PABPC4: variants seen among roughly 807,000 people sequenced by gnomAD.
PABPC4 encodes polyadenylate-binding protein 4.
A neutral mutation model predicts 74.5 loss-of-function variants in PABPC4; 15 were observed. The observed-to-expected ratio is 0.20, with a 90% CI of 0.13 to 0.31. The LOEUF (loss-of-function observed/expected upper bound fraction) is 0.31, where lower values mean the gene tolerates loss of function less well. PABPC4 is among the 10% of genes least tolerant of loss of function. PABPC4 has a pLI of 1.00. For synonymous variants in PABPC4, 345 were observed against 303.0 expected (o/e 1.14, Z -1.44); for missense variants, 610 against 853.5 (o/e 0.71, Z 3.55).
chr1:39,562,634 G>T (rs920349774), intron 12 of PABPC4: 2 of 456,988 alleles, frequency 4.4e-6, no homozygotes, highest in Non-Finnish European at 7.7e-6. Context: ...CAATGAAAAT[G>T]GCATGCTATC....
Position 39,571,374 on chromosome 1 carries a change from T to C in PABPC4, c.388-25A>G, listed in dbSNP as rs750391353. On this transcript the variant is annotated intron_variant, in intron 2 of 15. Coordinates refer to ENST00000372858, the MANE Select transcript of PABPC4 (RefSeq NM_001135653.2). ...CCTGTCAAAGACAAGGCGGACCACTTTAGCAGAACTGGCCAGCTCCTGAGA... is the reference window on the plus strand; with the variant it reads ...CCTGTCAAAGACAAGGCGGACCACTCTAGCAGAACTGGCCAGCTCCTGAGA... 6.8e-6 allele frequency: 11 copies of C among 1,613,450 alleles called. No individual in the cohort carries two copies. The African/African-American group carries it at 1.2e-4, about 18-fold the overall frequency.
At chr1:39,565,816 A>G (rs190549381) in intron 7 of PABPC4, among the ~76,000 whole-genome samples, 240 of 151,152 alleles carry the variant, frequency 1.6e-3, no homozygotes, top group African/African-American at 5.1e-3. Flanking sequence ...CGACAGAGCG[A>G]GACTCCATCT....
chr1:39,571,034 T>C, intron 3 of PABPC4, 200 bp downstream of exon 3: 5 of 1,449,836 alleles, frequency 3.4e-6, no homozygotes, highest in Non-Finnish European at 3.6e-6. Flanking sequence ...AGGCCATGGC[T>C]TGGGCAGGAA....
At chr1:39,566,547 C>G (rs1645846004) in intron 7 of PABPC4, among the ~76,000 whole-genome samples, 1 of 152,196 alleles carries the variant, frequency 6.6e-6, no homozygotes, top group African/African-American at 2.4e-5. Context: ...TATTCACTGT[C>G]TTCTCTGGTG....
In PABPC4 at chr1:39,566,246, G is replaced by A. The variant is rs115392425; in HGVS notation, c.973-868C>T. Among the ~76,000 whole-genome samples the A allele has an allele frequency of 5.6e-3, 850 of 152,158 alleles. 10 individuals carry two copies. Among genetic ancestry groups the A allele is most frequent in the African/African-American group, 0.011 (474 of 41,506 alleles). On this transcript the variant is annotated intron_variant, in intron 7 of 15. Coordinates refer to ENST00000372858, the MANE Select transcript of PABPC4 (RefSeq NM_001135653.2). ...CATATCTCATATGCTTCAAGACCTC[G>A]GTGGACAAACTCTAACAAGCTCTTA...
Position 39,570,012 on chromosome 1 carries a change from AAC to A in PABPC4, c.504-12_504-11del, listed in dbSNP as rs373343480. The A allele has an allele frequency of 3.0e-3, 4,911 of 1,613,084 alleles. 35 individuals are homozygous for A. The highest frequency in any genetic ancestry group is 0.01 in the South Asian group (925 of 91,028). Reference sequence around the variant, plus strand: ...GAATCTGCCCACAAATCTAAAATGAAACCATGAAGAACAGTAATTACCCAGAG... The same window carrying A: ...GAATCTGCCCACAAATCTAAAATGAACATGAAGAACAGTAATTACCCAGAG... On this transcript the variant is annotated splice_polypyrimidine_tract_variant and intron_variant, in intron 3 of 15. Coordinates refer to ENST00000372858, the MANE Select transcript of PABPC4 (RefSeq NM_001135653.2).
At chr1:39,561,657 G>T in intron 15 of PABPC4, 28 bp downstream of exon 15, 1 of 1,493,010 alleles carries the variant, frequency 6.7e-7, no homozygotes, top group Non-Finnish European at 9.3e-7. Flanking sequence ...ATGCTCATAG[G>T]AACAAAAATG....
chr1:39,569,233 G>C (rs961324552), intron 5 of PABPC4, among the ~76,000 whole-genome samples: 3 of 152,222 alleles, frequency 2.0e-5, no homozygotes, highest in African/African-American at 7.2e-5. Flanking sequence ...AGGTGCTTTT[G>C]TGGGTATTTA....
rs143324963 is a variant in PABPC4 at position 39,575,820 on chromosome 1, G to A, written c.132C>T (p.Arg44=). 2.1e-5 allele frequency: 34 copies of A among 1,610,584 alleles called. No homozygotes were observed. Among genetic ancestry groups the A allele is most frequent in the South Asian group, 3.3e-5 (3 of 90,850 alleles). ...AGPVLSIRVC[R]DMITRRSLGY... Reference sequence around the variant, plus strand: ...CCAGGGAGCGGCGGGTGATCATATCGCGGCAGACCCGGATGGACAGCACAG... The same window carrying A: ...CCAGGGAGCGGCGGGTGATCATATCACGGCAGACCCGGATGGACAGCACAG... The change falls in exon 1 of 16, where the codon CGC becomes CGT. Residue 44 remains arginine (R), a synonymous_variant. Coordinates refer to ENST00000372858, the MANE Select transcript of PABPC4 (RefSeq NM_001135653.2).
intron 12 of PABPC4, chr1:39,563,383 T>C (rs1645790632): frequency 1.9e-6 from 1 of 518,048 alleles, no homozygotes; most frequent in South Asian, 2.8e-5. Flanking sequence ...GAGGAAGCAC[T>C]GGCTGCCCGC....
At chr1:39,565,064 G>A in intron 8 of PABPC4, 42 bp downstream of exon 8, 6 of 1,605,286 alleles carry the variant, frequency 3.7e-6, no homozygotes, top group Non-Finnish European at 5.1e-6. Flanking sequence ...AATACTGCCA[G>A]CCGGCAGGTT....
intron 7 of PABPC4, 92 bp from the exon 8 acceptor site, chr1:39,565,470 G>T: frequency 7.4e-7 from 1 of 1,344,122 alleles, no homozygotes; most frequent in Non-Finnish European, 1.0e-6. Flanking sequence ...GGAAGGCTGA[G>T]GTGGGAGGGC....
chr1:39,564,581 G>A (rs1645808315), intron 9 of PABPC4, 39 bp from the exon 10 acceptor site: 1 of 1,613,546 alleles, frequency 6.2e-7, no homozygotes, highest in African/African-American at 1.3e-5. Context: ...GAGAAGTGAT[G>A]TGGACCAGAA....
rs1645893587 is a variant in PABPC4 at position 39,568,942 on chromosome 1, A to G, written c.739-3T>C. On this transcript the variant is annotated splice_polypyrimidine_tract_variant and splice_region_variant and intron_variant, in intron 5 of 15. Transcript: ENST00000372858. ...TTTCCATTCATCTCTTCCACAGCCTAGAGAGGAAAAATATGTCTTTAAAAT... is the reference window on the plus strand; with the variant it reads ...TTTCCATTCATCTCTTCCACAGCCTGGAGAGGAAAAATATGTCTTTAAAAT... 10 of 1,607,326 alleles carry G rather than the reference A, an allele frequency of 6.2e-6. No homozygotes were observed. The highest frequency in any genetic ancestry group is 8.5e-6 in the Non-Finnish European group (10 of 1,178,026).
chr1:39,574,486 CACG>C (rs1339923554), intron 1 of PABPC4, among the ~76,000 whole-genome samples: 3 of 152,214 alleles, frequency 2.0e-5, no homozygotes, highest in Non-Finnish European at 4.4e-5. Flanking sequence ...CTCTAAGTGA[CACG>C]ACTTTTGTTC....
intron 5 of PABPC4, among the ~76,000 whole-genome samples, chr1:39,569,339 C>T (rs980356062): frequency 6.6e-6 from 1 of 152,202 alleles, no homozygotes; most frequent in East Asian, 1.9e-4. Flanking sequence ...GTTCTCTCAC[C>T]TTTGCAGCAT....
In PABPC4 at chr1:39,564,737, A is replaced by G. The variant is rs762412711; in HGVS notation, c.1282T>C (p.Leu428=). 1 of 1,614,136 alleles carries G rather than the reference A, an allele frequency of 6.2e-7. No homozygotes were observed. The highest frequency in any genetic ancestry group is 1.7e-5 in the Admixed American group (1 of 60,026). Residue 428 remains leucine, a synonymous_variant, in exon 9 of 16, where the codon TTA becomes CTA. Transcript: ENST00000372858. ...GRPPYYTPNQ[L]AQMRPNPRWQ... is the part of the protein sequence containing the mutation. ...CGTGGATTAGGCCTCATCTGTGCTA[A>G]CTGGTTAGGTGTATAATATGGAGGC...
intron 15 of PABPC4, 156 bp from the exon 16 acceptor site, chr1:39,561,278 T>C (rs1182723792): frequency 2.0e-5 from 7 of 357,520 alleles, no homozygotes; most frequent in Non-Finnish European, 3.9e-5. Context: ...TCCTGTGTAC[T>C]GTACAACATT....
At chr1:39,572,829 T>C (rs1386885379) in intron 1 of PABPC4, among the ~76,000 whole-genome samples, 1 of 152,218 alleles carries the variant, frequency 6.6e-6, no homozygotes, top group Non-Finnish European at 1.5e-5. Context: ...GTGCCCTTGT[T>C]GGATAAAGGG....
Sources: gnomAD v4.1 joint callset for allele counts (sites outside exome capture counted in the v4.1 genomes callset) on GRCh38, gnomAD v4.1.1 for gene constraint, MANE v1.5 for transcripts, NCBI Gene and HGNC (gene_info 2026-07-23, HGNC 2026-07-21) for gene names.